MED14: variants seen among roughly 807,000 people sequenced by gnomAD.
MED14 encodes the protein mediator complex subunit 14, also known as mediator of RNA polymerase II transcription subunit 14.
MED14 carries 8 observed loss-of-function variants against 109.0 expected under a neutral mutation model. The ratio of observed to expected loss-of-function variants is 0.07; its 90% CI spans 0.04 to 0.13. The LOEUF (loss-of-function observed/expected upper bound fraction) is 0.13, where lower values mean the gene tolerates loss of function less well. Ranked by LOEUF, MED14 falls within the 10% of genes least tolerant of loss-of-function variation. The pLI is 1.00. For missense variants in MED14, 711 were observed against 1,142.4 expected, an observed-to-expected ratio of 0.62 and a Z score of 5.44; for synonymous variants, 399 against 408.7, an observed-to-expected ratio of 0.98 and a Z score of 0.29.
At chrX:40,702,472 G>A (rs1930986437) in intron 11 of MED14, among the ~76,000 whole-genome samples, 2 of 103,430 alleles carry the variant, frequency 1.9e-5, no homozygotes, top group Non-Finnish European at 3.9e-5. Flanking sequence ...TCAGCCTCCC[G>A]AGTAGCTGGG....
At chrX:40,718,214 C>A (rs1416940274) in intron 3 of MED14, among the ~76,000 whole-genome samples, 2 of 112,358 alleles carry the variant, frequency 1.8e-5, no homozygotes, top group African/African-American at 3.2e-5. Flanking sequence ...ATGCCACCAA[C>A]ACTAACTTCT....
At chrX:40,685,809 C>A (rs992795070) in intron 16 of MED14, among the ~76,000 whole-genome samples, 10 of 112,094 alleles carry the variant, frequency 8.9e-5, no homozygotes, top group African/African-American at 3.2e-4. Context: ...GCCTGCTTAA[C>A]AAATTTTCAA....
intron 3 of MED14, among the ~76,000 whole-genome samples, chrX:40,716,137 C>T (rs1395855876): frequency 9.0e-6 from 1 of 111,571 alleles, no homozygotes; most frequent in Non-Finnish European, 1.9e-5. Flanking sequence ...ATAAAAACCA[C>T]AATGAGATAT....
At chrX:40,693,317 G>A (rs111486161) in intron 13 of MED14, among the ~76,000 whole-genome samples, 2,217 of 111,772 alleles carry the variant, frequency 0.02, 50 homozygotes, top group African/African-American at 0.069. Context: ...GTTGTGGGAA[G>A]GACCTGGTAG....
rs187792565 is a variant in MED14 at position 40,716,700 on chromosome X, G to A, written c.349-1990C>T. 3.9e-3 allele frequency among the ~76,000 whole-genome samples: 435 copies of A among 110,938 alleles called. 4 individuals are homozygous for A. The highest frequency in any genetic ancestry group is 0.014 in the African/African-American group (416 of 30,481). On this transcript the variant is annotated intron_variant, in intron 3 of 30. Transcript: ENST00000324817. Reference sequence around the variant, plus strand: ...AGAAAGGAAATCAGCATACCAAAAAGATATCTGCACTCCCAGGTTTACTGC... The same window carrying A: ...AGAAAGGAAATCAGCATACCAAAAAAATATCTGCACTCCCAGGTTTACTGC...
rs1361565151 is a variant in MED14 at position 40,651,559 on chromosome X, G to C, written c.*247C>G. ...AAAACAGAATATTAAATTTATTACT[G>C]GCAAACGGACACTGATTTATTTCCT... On this transcript the variant is annotated 3_prime_UTR_variant, in exon 31 of 31. Coordinates refer to ENST00000324817, the MANE Select transcript of MED14 (RefSeq NM_004229.4). 1 of 898,692 alleles carries C rather than the reference G, an allele frequency of 1.1e-6. No individual in the cohort carries two copies. Among genetic ancestry groups the C allele is most frequent in the African/African-American group, 2.1e-5 (1 of 48,259 alleles). 74.1% of individuals were successfully genotyped at this position (898,692 alleles called of 1,213,427 possible).
At chrX:40,656,306 A>C (rs1259449752) in intron 28 of MED14, among the ~76,000 whole-genome samples, 1 of 111,740 alleles carries the variant, frequency 8.9e-6, no homozygotes, top group Non-Finnish European at 1.9e-5. Flanking sequence ...CAAATGAAAA[A>C]CGCGGAAAAA....
At chrX:40,735,692 A>T (rs1388838457), upstream of MED14, 5 of 467,733 alleles carry the variant, frequency 1.1e-5, no homozygotes, top group Non-Finnish European at 1.9e-5. Context: ...AAACGCTCAG[A>T]AGCAGCTTCG....
intron 24 of MED14, among the ~76,000 whole-genome samples, chrX:40,666,043 A>T (rs1929466873): frequency 8.9e-6 from 1 of 112,233 alleles, no homozygotes; most frequent in African/African-American, 3.2e-5. Context: ...CACAGCTTAA[A>T]AACTGAGGAA....
intron 3 of MED14, among the ~76,000 whole-genome samples, chrX:40,716,526 G>A (rs1931526699): frequency 9.3e-6 from 1 of 107,357 alleles, no homozygotes; most frequent in South Asian, 4.2e-4. Flanking sequence ...GGAGGTTGAC[G>A]CTGCAAAGAG....
intron 3 of MED14, among the ~76,000 whole-genome samples, chrX:40,715,812 AGGAC>A (rs1490216911): frequency 4.4e-5 from 3 of 67,483 alleles, no homozygotes; most frequent in Non-Finnish European, 7.7e-5. Flanking sequence ...AAAAAAAAAA[AGGAC>A]AGACAACAAA....
intron 26 of MED14, among the ~76,000 whole-genome samples, chrX:40,661,887 ACAGTCTCACTCTGTTGCC>A (rs1929289164): frequency 1.8e-5 from 2 of 111,121 alleles, no homozygotes; most frequent in African/African-American, 6.6e-5. Context: ...TTTATGAAAC[ACAGTCTCACTCTGTTGCC>A]CAGGCTGGAG....
At position 40,664,313 on chromosome X, in the gene MED14, C is replaced by T; in HGVS notation, c.3442G>A (p.Gly1148Arg). Reference protein sequence around the residue: ...VPDASHSPRAGTSSQTMPTNM... With the variant: ...VPDASHSPRARTSSQTMPTNM... ...AAATGTTGATGATACTTACTTGTTC[C>T]AGCTCGAGGGGAATGAGAAGCATCT... Residue 1148 changes from glycine (G) to arginine (R), a missense_variant, in exon 25 of 31, where the codon GGA becomes AGA. Transcript: ENST00000324817. 1 of 1,196,489 alleles carries T rather than the reference C, an allele frequency of 8.4e-7. No individual in the cohort carries two copies. Among genetic ancestry groups the T allele is most frequent in the Non-Finnish European group, 1.1e-6 (1 of 889,538 alleles).
intron 24 of MED14, among the ~76,000 whole-genome samples, chrX:40,666,010 A>T (rs1929465516): frequency 8.9e-6 from 1 of 112,357 alleles, no homozygotes; most frequent in African/African-American, 3.2e-5. Flanking sequence ...TATTAATAGT[A>T]AAAACTAAAA....
intron 8 of MED14, among the ~76,000 whole-genome samples, chrX:40,710,642 C>T (rs1315691425): frequency 9.0e-6 from 1 of 111,524 alleles, no homozygotes; most frequent in Non-Finnish European, 1.9e-5. Context: ...ATGGTCTTTT[C>T]TAACCTAACG....
chrX:40,703,718 A>T, intron 10 of MED14, 149 bp from the exon 11 acceptor site: 1 of 387,267 alleles, frequency 2.6e-6, no homozygotes, highest in South Asian at 7.6e-5. Flanking sequence ...CAATAGTATT[A>T]TTATGTCAGT....
At position 40,692,952 on chromosome X, in the gene MED14, T is replaced by C. The variant is rs772328518; in HGVS notation, c.1651-50A>G. 4.1e-5 allele frequency: 39 copies of C among 948,496 alleles called. 1 individual carries two copies. Among genetic ancestry groups the C allele is most frequent in the Non-Finnish European group, 2.8e-6 (2 of 718,998 alleles). The allele number at this position is 948,496 out of a possible 1,213,427, so 78.2% of individuals were successfully genotyped here. On this transcript the variant is annotated intron_variant, in intron 13 of 30. Coordinates refer to ENST00000324817, the MANE Select transcript of MED14 (RefSeq NM_004229.4). ...ACTTAGAGAAATAAGAAGTGTCAGATATTTTCCTCCGTACATCATCAAGTA... is the reference window on the plus strand; with the variant it reads ...ACTTAGAGAAATAAGAAGTGTCAGACATTTTCCTCCGTACATCATCAAGTA...
At chrX:40,703,661 T>G in intron 10 of MED14, 92 bp from the exon 11 acceptor site, 1 of 725,728 alleles carries the variant, frequency 1.4e-6, no homozygotes, top group Non-Finnish European at 1.9e-6. Flanking sequence ...AACCAACTAT[T>G]GAAGGATCCT....
intron 18 of MED14, among the ~76,000 whole-genome samples, 172 bp from the exon 19 acceptor site, chrX:40,682,115 T>C (rs1392387821): frequency 1.8e-5 from 2 of 111,852 alleles, no homozygotes; most frequent in Non-Finnish European, 3.8e-5. Flanking sequence ...CTTCCGTTTC[T>C]ACAAAAGGGG....
Sources: gnomAD v4.1 joint callset for allele counts (sites outside exome capture counted in the v4.1 genomes callset) on GRCh38, gnomAD v4.1.1 for gene constraint, MANE v1.5 for transcripts, NCBI Gene and HGNC (gene_info 2026-07-23, HGNC 2026-07-21) for gene names.